The following CD300LG variants were observed in gnomAD, a reference collection of about 807,000 sequenced individuals.
CD300LG encodes the protein CMRF35-like molecule 9.
A neutral mutation model predicts 31.5 loss-of-function variants in CD300LG; 29 were observed. The ratio of observed to expected loss-of-function variants is 0.92; its 90% CI spans 0.68 to 1.25. CD300LG has a LOEUF of 1.25. Ranked by LOEUF, CD300LG falls within the 50% of genes most tolerant of loss-of-function variation. The pLI is 0.00. For missense variants in CD300LG, 396 were observed against 417.6 expected (o/e 0.95, Z 0.45); for synonymous variants, 175 against 177.2 (o/e 0.99, Z 0.10).
chr17:43,853,098 T>C, intron 3 of CD300LG, 85 bp downstream of exon 3: 1 of 1,154,700 alleles, frequency 8.7e-7, no homozygotes, highest in Admixed American at 2.0e-5. Context: ...CCAGACACAA[T>C]AGTTTATGGC....
At chr17:43,858,213 G>A in intron 6 of CD300LG, 2 of 1,107,666 alleles carry the variant, frequency 1.8e-6, no homozygotes, top group Non-Finnish European at 2.2e-6. Flanking sequence ...CTGTGGCTTA[G>A]GAAGCAGCTG....
chr17:43,848,509 G>T, intron 1 of CD300LG, 49 bp from the exon 2 acceptor site: 2 of 1,462,998 alleles, frequency 1.4e-6, no homozygotes, highest in Non-Finnish European at 1.9e-6. Context: ...CCTTGACCTT[G>T]GTACATGGAG....
intron 1 of CD300LG, among the ~76,000 whole-genome samples, 189 bp from the exon 2 acceptor site, chr17:43,848,367 GTT>G (rs938361860): frequency 1.5e-4 from 23 of 152,228 alleles, no homozygotes; most frequent in Non-Finnish European, 2.2e-4. Context: ...ATGGGCCAGG[GTT>G]AGGGAAACAG....
In CD300LG at chr17:43,856,066, C is replaced by G. The variant is rs192863885; in HGVS notation, c.832+747C>G. ...AAGCGATCCTCCTGCCTCAGCCTCC[C>G]GAGTAACTAGGACTACAGGCATGAG... is the stretch of plus-strand genomic sequence containing the variant. On this transcript the variant is annotated intron_variant, in intron 5 of 6. Transcript: ENST00000317310. Among the ~76,000 whole-genome samples, 185 of 152,218 alleles carry G rather than the reference C, an allele frequency of 1.2e-3. 1 individual carries two copies. Among genetic ancestry groups the G allele is most frequent in the South Asian group, 9.8e-3 (47 of 4,820 alleles).
chr17:43,856,711 G>A (rs913163122), intron 5 of CD300LG, among the ~76,000 whole-genome samples: 1 of 152,206 alleles, frequency 6.6e-6, no homozygotes, highest in African/African-American at 2.4e-5. Context: ...TTGCCAGCTA[G>A]CAGCGGTGGC....
intron 3 of CD300LG, 102 bp downstream of exon 3, chr17:43,853,115 G>A: frequency 1.0e-6 from 1 of 968,530 alleles, no homozygotes. Context: ...TGGCCACCTA[G>A]GTGTCCCCAC....
At position 43,862,098 on chromosome 17, in the gene CD300LG, G is replaced by A. The variant is rs754843929; in HGVS notation, c.*187G>A. 4.2e-6 allele frequency: 2 copies of A among 473,622 alleles called. No individual in the cohort carries two copies. Among genetic ancestry groups the A allele is most frequent in the African/African-American group, 2.0e-5 (1 of 50,030 alleles). The allele number at this position is 473,622 out of a possible 1,614,324, so 29.3% of individuals were successfully genotyped here. The stretch of plus-strand genomic sequence containing the variant: ...CCTAGAAGCGTTTGTCAGCCCTGGA[G>A]CCCAGAGCGGTGGCCTTGCTCTTCC... On this transcript the variant is annotated 3_prime_UTR_variant, in exon 7 of 7. Transcript: ENST00000317310.
At chr17:43,848,259 C>CA (rs1555598872) in intron 1 of CD300LG, among the ~76,000 whole-genome samples, 191 of 151,962 alleles carry the variant, frequency 1.3e-3, no homozygotes, top group African/African-American at 4.4e-3. Context: ...AACAAACAAA[C>CA]AAACAAAACA....
At chr17:43,860,712 C>T (rs1012369422) in intron 6 of CD300LG, among the ~76,000 whole-genome samples, 3 of 152,252 alleles carry the variant, frequency 2.0e-5, no homozygotes, top group Non-Finnish European at 4.4e-5. Context: ...TGTTATTCGA[C>T]GAATCTTTGG....
intron 6 of CD300LG, among the ~76,000 whole-genome samples, chr17:43,860,632 C>T (rs997853190): frequency 2.0e-5 from 3 of 152,218 alleles, no homozygotes; most frequent in Non-Finnish European, 2.9e-5. Context: ...TTCCCTGGGC[C>T]GTGGTCTCCT....
chr17:43,858,905 C>A, intron 6 of CD300LG, among the ~76,000 whole-genome samples: 1 of 151,030 alleles, frequency 6.6e-6, no homozygotes, highest in South Asian at 2.1e-4. Context: ...TCCATCCATT[C>A]GTCTGCCTCA....
chr17:43,862,035 A>C lies in CD300LG; in HGVS notation c.*124A>C, dbSNP rs1597730368. 3 of 592,070 alleles carry C rather than the reference A, an allele frequency of 5.1e-6. No individual in the cohort carries two copies. Among genetic ancestry groups the C allele is most frequent in the South Asian group, 2.4e-5 (1 of 41,434 alleles). The allele number at this position is 592,070 out of a possible 1,614,324, so 36.7% of individuals were successfully genotyped here. ...CTGCCCGGACTCCAGGGCTCTCCCC[A>C]CCCTCCCCAGGCTCTCCTCTTGCAT... On this transcript the variant is annotated 3_prime_UTR_variant, in exon 7 of 7. Transcript: ENST00000317310.
Position 43,862,364 on chromosome 17 carries a change from A to C in CD300LG, c.*453A>C, listed in dbSNP as rs1826076696. The stretch of plus-strand genomic sequence containing the variant: ...GGTCTCCTGCATCAGCTGGTGATGA[A>C]GAGGAGCATGCTGGGGTGAGACTGG... On this transcript the variant is annotated 3_prime_UTR_variant, in exon 7 of 7. Transcript: ENST00000317310. 1 of 152,336 alleles carries C rather than the reference A, an allele frequency of 6.6e-6. No homozygotes were observed. The highest frequency in any genetic ancestry group is 1.5e-5 in the Non-Finnish European group (1 of 68,284). The allele number at this position is 152,336 out of a possible 1,614,324, so 9.4% of individuals were successfully genotyped here.
chr17:43,857,193 C>A (rs755873875), intron 6 of CD300LG, 37 bp downstream of exon 6: 14 of 1,607,800 alleles, frequency 8.7e-6, no homozygotes. Flanking sequence ...AAGCTCAGAT[C>A]CCCTTGGGGC....
intron 6 of CD300LG, chr17:43,858,605 C>T (rs984201138): frequency 4.1e-6 from 4 of 985,328 alleles, no homozygotes; most frequent in African/African-American, 1.7e-5. Flanking sequence ...AAAGATGGAA[C>T]AGGGCCTCCC....
At chr17:43,853,502 G>T (rs566113634) in intron 3 of CD300LG, among the ~76,000 whole-genome samples, 2 of 152,268 alleles carry the variant, frequency 1.3e-5, no homozygotes, top group East Asian at 3.9e-4. Flanking sequence ...CCACTGAATG[G>T]TCACTGGAAA....
rs531039952 is a variant in CD300LG, at chr17:43,856,179, T to A, written c.832+860T>A. 2.6e-5 allele frequency among the ~76,000 whole-genome samples: 4 copies of A among 152,332 alleles called. No individual in the cohort carries two copies. In the South Asian group the frequency reaches 8.3e-4, roughly 32 times the overall value. The stretch of plus-strand genomic sequence containing the variant: ...CAAACATTATCATTTTGATATGGAA[T>A]CAATATGAAAATATCAATGATACAT... On this transcript the variant is annotated intron_variant, in intron 5 of 6. Coordinates refer to ENST00000317310, the MANE Select transcript of CD300LG (RefSeq NM_145273.4).
At chr17:43,848,466 CCT>C in intron 1 of CD300LG, 90 bp from the exon 2 acceptor site, 1 of 1,044,198 alleles carries the variant, frequency 9.6e-7, no homozygotes, top group South Asian at 1.5e-5. Flanking sequence ...CTGAGAAAAG[CCT>C]TCCTTCTTCC....
Position 43,847,182 on chromosome 17 carries a change from C to G in CD300LG, c.-35C>G, listed in dbSNP as rs1399368696. ...TGTGACTGAAGAGGAGCTCACAGTT[C>G]CCAGCGTCTGCTCCCACGGTGTCCA... On this transcript the variant is annotated 5_prime_UTR_variant, in exon 1 of 7. Transcript: ENST00000317310. 2 of 1,611,902 alleles carry G rather than the reference C, an allele frequency of 1.2e-6. No homozygotes were observed. Among genetic ancestry groups the G allele is most frequent in the Non-Finnish European group, 1.7e-6 (2 of 1,179,000 alleles).
Sources: gnomAD v4.1 joint callset for allele counts (sites outside exome capture counted in the v4.1 genomes callset) on GRCh38, gnomAD v4.1.1 for gene constraint, MANE v1.5 for transcripts, NCBI Gene and HGNC (gene_info 2026-07-23, HGNC 2026-07-21) for gene names.